The following TTF1 variants were observed in gnomAD, a reference collection of about 807,000 sequenced individuals.
The protein encoded by TTF1 is transcription termination factor, RNA polymerase I.
Under a neutral mutation model 80.2 loss-of-function variants are expected in TTF1, and 64 were observed. The observed-to-expected ratio is 0.80, with a 90% CI of 0.65 to 0.98. The LOEUF (loss-of-function observed/expected upper bound fraction) is 0.98, where lower values mean the gene tolerates loss of function less well. Among genes scored for constraint, TTF1 ranks in the 50% least tolerant of loss-of-function variants. The pLI, the probability that TTF1 is intolerant of heterozygous loss-of-function variation, is 0.00. For missense variants in TTF1, 1,023 were observed against 1,086.2 expected, an observed-to-expected ratio of 0.94 and a Z score of 0.82; for synonymous variants, 372 against 382.7, an observed-to-expected ratio of 0.97 and a Z score of 0.33.
intron 10 of TTF1, among the ~76,000 whole-genome samples, chr9:132,377,116 G>C (rs545891645): frequency 1.1e-3 from 164 of 152,266 alleles, no homozygotes; most frequent in African/African-American, 3.6e-3. Flanking sequence ...ATGCTTCTGT[G>C]TATGTGTGTA....
intron 8 of TTF1, among the ~76,000 whole-genome samples, chr9:132,387,820 G>A (rs1589819457): frequency 2.0e-5 from 3 of 152,154 alleles, no homozygotes; most frequent in Admixed American, 6.5e-5. Context: ...ATTTTCCAAC[G>A]GGCGTAAATA....
At chr9:132,392,299 C>G in intron 5 of TTF1, 93 bp from the exon 6 acceptor site, 1 of 1,471,688 alleles carries the variant, frequency 6.8e-7, no homozygotes. Context: ...GTGGGGAAAG[C>G]TGAATGGGGC....
chr9:132,393,401 G>T (rs146847120), intron 5 of TTF1, among the ~76,000 whole-genome samples: 1 of 152,206 alleles, frequency 6.6e-6, no homozygotes, highest in African/African-American at 2.4e-5. Flanking sequence ...CACCCAGGGC[G>T]GAAAACCGCT....
chr9:132,389,118 T>C (rs1010458624), intron 7 of TTF1, among the ~76,000 whole-genome samples: 2 of 152,118 alleles, frequency 1.3e-5, no homozygotes, highest in Admixed American at 1.3e-4. Flanking sequence ...CCCTTAATGA[T>C]TACCATGTCC....
intron 1 of TTF1, among the ~76,000 whole-genome samples, chr9:132,403,289 TTC>T (rs1004291346): frequency 5.9e-5 from 9 of 152,188 alleles, no homozygotes; most frequent in African/African-American, 1.2e-4. Context: ...CTCACTGGAA[TTC>T]TCTCTGTCTG....
intron 2 of TTF1, among the ~76,000 whole-genome samples, chr9:132,401,095 T>G (rs893902957): frequency 1.3e-4 from 20 of 152,146 alleles, no homozygotes; most frequent in African/African-American, 4.8e-4. Flanking sequence ...TTTGGGAGGC[T>G]GAGGCAGGCG....
intron 10 of TTF1, among the ~76,000 whole-genome samples, chr9:132,377,829 T>A (rs1449510861): frequency 3.0e-5 from 4 of 131,250 alleles, no homozygotes; most frequent in African/African-American, 1.2e-4. Flanking sequence ...GTGGTGTGTG[T>A]GAATGCATGT....
At chr9:132,388,560 C>T (rs1005167474) in intron 7 of TTF1, among the ~76,000 whole-genome samples, 25 of 152,104 alleles carry the variant, frequency 1.6e-4, no homozygotes. Flanking sequence ...AGGCTGGTCT[C>T]AAACTCCTGG....
Position 132,401,774 on chromosome 9 carries a change from G to T in TTF1, c.1048C>A (p.Pro350Thr), listed in dbSNP as rs148024592. Residue 350 changes from proline to threonine, a missense_variant, in exon 2 of 11, where the codon CCT becomes ACT. Pro to Thr is a conservative substitution (Grantham distance 38). Transcript: ENST00000334270. Reference sequence around the variant, plus strand: ...GGGTATGCACTCTCGAGGCTCTCAGGCATGGCCACTGCCTCAAATTCCTGG... The same window carrying T: ...GGGTATGCACTCTCGAGGCTCTCAGTCATGGCCACTGCCTCAAATTCCTGG... Reference protein sequence around the residue: ...NHQEFEAVAMPESLESAYPEG... With the variant: ...NHQEFEAVAMTESLESAYPEG... 109 of 1,614,154 alleles carry T rather than the reference G, an allele frequency of 6.8e-5. No individual in the cohort carries two copies. In the African/African-American group the frequency reaches 1.2e-3, roughly 18 times the overall value.
chr9:132,404,507 G>T (rs1216484385), intron 1 of TTF1, among the ~76,000 whole-genome samples: 1 of 151,918 alleles, frequency 6.6e-6, no homozygotes, highest in South Asian at 2.1e-4. Flanking sequence ...TCAGAGAGAT[G>T]GTGGTCTCTC....
rs1323770658 is a variant in TTF1 at position 132,402,811 on chromosome 9, TCTC to T, written c.8_10del (p.Gly3del). 6.3e-7 allele frequency: 1 copy of T among 1,577,194 alleles called. No homozygotes were observed. The highest frequency in any genetic ancestry group is 8.6e-7 in the Non-Finnish European group (1 of 1,167,540). ...AGTGTGGATTTCAAATCTGCTTGAT[TCTC>T]CTTCCATTTTATTCCTATATGGAAA... On this transcript the variant is annotated inframe_deletion, in exon 2 of 11. Transcript: ENST00000334270.
intron 9 of TTF1, among the ~76,000 whole-genome samples, chr9:132,380,076 CT>C (rs908325736): frequency 2.0e-3 from 293 of 144,666 alleles, no homozygotes; most frequent in Middle Eastern, 0.011. Flanking sequence ...GCATTATCTT[CT>C]TTTTTTTTTT....
Position 132,401,688 on chromosome 9 carries a change from C to G in TTF1, c.1134G>C (p.Gly378=). ...TCTTTGTACTGTTGGATTCCTTGAA[C>G]CCTTTAAGAGCTGTACTGCCTTCCA... ...GTVEGSTALK[G]FKESNSTKKK... The change falls in exon 2 of 11, where the codon GGG becomes GGC. Residue 378 remains glycine (G), a synonymous_variant. Transcript: ENST00000334270. 1 of 1,614,232 alleles carries G rather than the reference C, an allele frequency of 6.2e-7. No individual in the cohort carries two copies. Among genetic ancestry groups the G allele is most frequent in the Non-Finnish European group, 8.5e-7 (1 of 1,180,042 alleles).
chr9:132,390,102 A>G (rs1319936881), intron 7 of TTF1, among the ~76,000 whole-genome samples: 1 of 152,134 alleles, frequency 6.6e-6, no homozygotes, highest in Non-Finnish European at 1.5e-5. Flanking sequence ...CAGCCTCCTG[A>G]GTAGCTGGGA....
chr9:132,381,705 G>A (rs1449776640), intron 9 of TTF1, among the ~76,000 whole-genome samples: 4 of 152,140 alleles, frequency 2.6e-5, no homozygotes, highest in Non-Finnish European at 4.4e-5. Flanking sequence ...GCATGTATCT[G>A]TGAGTCCTGG....
chr9:132,381,382 G>T (rs765569677), intron 9 of TTF1, among the ~76,000 whole-genome samples: 2 of 152,084 alleles, frequency 1.3e-5, no homozygotes, highest in Non-Finnish European at 2.9e-5. Flanking sequence ...TAGAGATGGG[G>T]TTTCACCATG....
At chr9:132,406,402 G>A (rs1849867792) in intron 1 of TTF1, among the ~76,000 whole-genome samples, 1 of 152,138 alleles carries the variant, frequency 6.6e-6, no homozygotes, top group Non-Finnish European at 1.5e-5. Context: ...AGGAGTTCGA[G>A]ACCAGCCTGG....
At position 132,398,210 on chromosome 9, in the gene TTF1, C is replaced by A; in HGVS notation, c.1708G>T (p.Asp570Tyr). 1 of 1,599,106 alleles carries A rather than the reference C, an allele frequency of 6.3e-7. No homozygotes were observed. Among genetic ancestry groups the A allele is most frequent in the South Asian group, 1.1e-5 (1 of 88,246 alleles). The change falls in exon 4 of 11, where the codon GAC becomes TAC. Residue 570 changes from aspartate to tyrosine, a missense_variant. Transcript: ENST00000334270. ...IESADKLLYTDRYPEEKSVIT... is the reference protein window; with the variant it reads ...IESADKLLYTYRYPEEKSVIT... Reference sequence around the variant, plus strand: ...ACAGATTTTTCCTCAGGATATCTGTCCGTGTACAGCAGCTTGTCTGCACTC... The same window carrying A: ...ACAGATTTTTCCTCAGGATATCTGTACGTGTACAGCAGCTTGTCTGCACTC...
chr9:132,404,622 G>A (rs181746186), intron 1 of TTF1, among the ~76,000 whole-genome samples: 2 of 151,736 alleles, frequency 1.3e-5, no homozygotes, highest in East Asian at 1.9e-4. Flanking sequence ...TGCAACTGTC[G>A]TTTAACCCTA....
Sources: gnomAD v4.1 joint callset for allele counts (sites outside exome capture counted in the v4.1 genomes callset) on GRCh38, gnomAD v4.1.1 for gene constraint, MANE v1.5 for transcripts, NCBI Gene and HGNC (gene_info 2026-07-23, HGNC 2026-07-21) for gene names.